Variants in DCC observed in about 807,000 individuals in gnomAD.
The protein encoded by DCC is DCC netrin 1 receptor, also known as netrin receptor DCC.
In DCC, 58 loss-of-function variants were observed where a neutral mutation model predicts 172.5. The observed-to-expected ratio is 0.34, with a 90% CI of 0.27 to 0.42. DCC has a LOEUF of 0.42. Among genes scored for constraint, DCC ranks in the 10% least tolerant of loss-of-function variants. The pLI is 1.00. For synonymous variants in DCC, 709 were observed against 644.5 expected, an observed-to-expected ratio of 1.10 and a Z score of -1.52; for missense variants, 1,740 against 1,791.0, an observed-to-expected ratio of 0.97 and a Z score of 0.51.
chr18:53,384,846 AAT>A (rs1568097222), intron 15 of DCC, among the ~76,000 whole-genome samples: 1 of 56,346 alleles, frequency 1.8e-5, no homozygotes, highest in Non-Finnish European at 6.3e-5. Context: ...TTACCTCAAT[AAT>A]TTTTTTTTCT....
intron 2 of DCC, among the ~76,000 whole-genome samples, chr18:52,819,455 TTTTAAG>T (rs1268684689): frequency 6.6e-6 from 1 of 152,214 alleles, no homozygotes; most frequent in African/African-American, 2.4e-5. Context: ...TATCTGGTTA[TTTTAAG>T]TTTATTATAT....
intron 1 of DCC, among the ~76,000 whole-genome samples, chr18:52,724,819 T>C (rs1246109483): frequency 6.6e-6 from 1 of 152,180 alleles, no homozygotes; most frequent in Non-Finnish European, 1.5e-5. Context: ...TGGCTCCATC[T>C]GACCCATTCT....
chr18:52,386,819 A>T (rs946956413), intron 1 of DCC, among the ~76,000 whole-genome samples: 1 of 152,126 alleles, frequency 6.6e-6, no homozygotes, highest in Admixed American at 6.5e-5. Context: ...TACACATTAC[A>T]CAACATGTAT....
At chr18:53,437,376 C>A (rs906687802) in intron 22 of DCC, among the ~76,000 whole-genome samples, 1 of 151,826 alleles carries the variant, frequency 6.6e-6, no homozygotes, top group Non-Finnish European at 1.5e-5. Flanking sequence ...GTCAGGAAAT[C>A]GAGACCATCC....
chr18:52,869,523 C>G (rs1028586771), intron 2 of DCC, among the ~76,000 whole-genome samples: 1 of 152,206 alleles, frequency 6.6e-6, no homozygotes, highest in East Asian at 1.9e-4. Flanking sequence ...CTCCAGCCTT[C>G]AGGCCCTTCC....
intron 2 of DCC, among the ~76,000 whole-genome samples, chr18:52,886,440 G>A (rs1420545151): frequency 1.3e-5 from 2 of 152,118 alleles, no homozygotes; most frequent in African/African-American, 4.8e-5. Context: ...CTGTGACAGG[G>A]CAGCACTGAG....
chr18:53,041,211 C>T (rs2042164395), intron 5 of DCC, among the ~76,000 whole-genome samples: 1 of 152,020 alleles, frequency 6.6e-6, no homozygotes, highest in Non-Finnish European at 1.5e-5. Context: ...GGAAGGGGTC[C>T]AGTTTCAGTT....
chr18:52,637,280 T>A (rs915406384), intron 1 of DCC, among the ~76,000 whole-genome samples: 1 of 152,002 alleles, frequency 6.6e-6, no homozygotes, highest in African/African-American at 2.4e-5. Context: ...CACCAAAAAA[T>A]CACACTAGTT....
chr18:53,431,654 T>G (rs1306258560), intron 21 of DCC, among the ~76,000 whole-genome samples: 2 of 152,076 alleles, frequency 1.3e-5, no homozygotes, highest in Non-Finnish European at 2.9e-5. Flanking sequence ...TCTGCTAATT[T>G]TCGTATTTTT....
At chr18:53,301,456 A>G (rs2144773487) in intron 12 of DCC, among the ~76,000 whole-genome samples, 1 of 152,250 alleles carries the variant, frequency 6.6e-6, no homozygotes, top group South Asian at 2.1e-4. Context: ...ACAAACAAAA[A>G]ACCTCTGTGT....
At chr18:52,944,460 T>C (rs991369397) in intron 5 of DCC, among the ~76,000 whole-genome samples, 2 of 152,148 alleles carry the variant, frequency 1.3e-5, no homozygotes, top group East Asian at 1.9e-4. Flanking sequence ...AGGCACAATA[T>C]TTGTCCGAAG....
At chr18:52,921,390 G>A (rs1167721205) in intron 3 of DCC, among the ~76,000 whole-genome samples, 1 of 151,996 alleles carries the variant, frequency 6.6e-6, no homozygotes, top group East Asian at 1.9e-4. Context: ...TTTGTTTTCT[G>A]ATAAAATAGT....
At chr18:52,528,722 C>T (rs1355526619) in intron 1 of DCC, among the ~76,000 whole-genome samples, 1 of 152,086 alleles carries the variant, frequency 6.6e-6, no homozygotes, top group African/African-American at 2.4e-5. Flanking sequence ...ACTTCTATGA[C>T]AGGGCTCTCC....
chr18:52,814,632 G>A (rs1439730734), intron 2 of DCC, among the ~76,000 whole-genome samples: 1 of 152,102 alleles, frequency 6.6e-6, no homozygotes, highest in Non-Finnish European at 1.5e-5. Flanking sequence ...AATGTAATAC[G>A]CTTCCTCCCA....
intron 15 of DCC, among the ~76,000 whole-genome samples, chr18:53,381,825 GTATT>G (rs1204589597): frequency 6.6e-6 from 1 of 151,782 alleles, no homozygotes; most frequent in African/African-American, 2.4e-5. Flanking sequence ...GGAATTTATT[GTATT>G]TATTTAAATT....
chr18:53,349,932 T>C (rs2057769537), intron 15 of DCC, among the ~76,000 whole-genome samples: 1 of 152,212 alleles, frequency 6.6e-6, no homozygotes, highest in African/African-American at 2.4e-5. Context: ...CTCACTAAAG[T>C]TGAACTTCTG....
In DCC at chr18:53,104,058, A is replaced by T. The variant is rs182506129; in HGVS notation, c.1261+37892A>T. On this transcript the variant is annotated intron_variant, in intron 7 of 28. Transcript: ENST00000442544. ...TAAAATGCCAAAATTCACAAACAAC[A>T]TACCAAAATCTTAAATTCAGACAGA... Among the ~76,000 whole-genome samples the T allele has an allele frequency of 7.0e-4, 106 of 152,182 alleles. No individual in the cohort carries two copies. The East Asian group carries it at 0.019, about 28-fold the overall frequency.
chr18:52,433,808 CTATGAATCAAGTAGG>C (rs1987703186), intron 1 of DCC, among the ~76,000 whole-genome samples: 1 of 152,174 alleles, frequency 6.6e-6, no homozygotes, highest in South Asian at 2.1e-4. Context: ...TTATTCAACA[CTATGAATCAAGTAGG>C]TTTCTTGCAA....
At chr18:52,598,802 T>A (rs927066184) in intron 1 of DCC, among the ~76,000 whole-genome samples, 2 of 152,102 alleles carry the variant, frequency 1.3e-5, no homozygotes, top group African/African-American at 4.8e-5. Context: ...AGGCTGGAAG[T>A]CCAAGATCAA....
Sources: gnomAD v4.1 joint callset for allele counts (sites outside exome capture counted in the v4.1 genomes callset) on GRCh38, gnomAD v4.1.1 for gene constraint, MANE v1.5 for transcripts, NCBI Gene and HGNC (gene_info 2026-07-23, HGNC 2026-07-21) for gene names.